ATP10B: variants seen among roughly 807,000 people sequenced by gnomAD.
ATP10B encodes the protein phospholipid-transporting ATPase VB.
Under a neutral mutation model 141.2 loss-of-function variants are expected in ATP10B, and 122 were observed. The observed-to-expected ratio is 0.86, with a 90% CI of 0.75 to 1.00. The LOEUF is 1.00. Among genes scored for constraint, ATP10B ranks in the 50% least tolerant of loss-of-function variants. The pLI, the probability that ATP10B is intolerant of heterozygous loss-of-function variation, is 0.00. For missense variants in ATP10B, 1,876 were observed against 1,825.3 expected (o/e 1.03, Z -0.51); for synonymous variants, 685 against 692.0 (o/e 0.99, Z 0.16).
chr5:160,874,142 A>G, the ATP10B span, among the ~76,000 whole-genome samples: 1 of 152,116 alleles, frequency 6.6e-6, no homozygotes, highest in African/African-American at 2.4e-5. Flanking sequence ...CCTGTCTGAC[A>G]GCTTTGAAGA....
chr5:160,569,714 A>G (rs1356211239), intron 24 of ATP10B, 31 bp from the exon 25 acceptor site: 2 of 1,503,412 alleles, frequency 1.3e-6, no homozygotes, highest in Non-Finnish European at 1.8e-6. Context: ...ACACTGTTGA[A>G]GGTATAGCTG....
chr5:160,612,683 T>C (rs1040793780), intron 18 of ATP10B, 58 bp downstream of exon 18: 13 of 1,471,680 alleles, frequency 8.8e-6, no homozygotes, highest in Admixed American at 1.8e-5. Flanking sequence ...GTCCTCTTGG[T>C]TGAGGGGTTG....
At chr5:160,888,960 G>T in the ATP10B span, among the ~76,000 whole-genome samples, 3 of 152,110 alleles carry the variant, frequency 2.0e-5, no homozygotes, top group African/African-American at 4.8e-5. Context: ...TGTCACAATG[G>T]CTTAAATAAA....
intron 2 of ATP10B, among the ~76,000 whole-genome samples, chr5:160,755,833 AAAAAAATATATATATAT>A (rs1167144827): frequency 4.2e-5 from 3 of 71,306 alleles, no homozygotes; most frequent in East Asian, 4.2e-4. Flanking sequence ...AAAAAAAAAA[AAAAAAATATATATATAT>A]ATATATATAT....
chr5:160,745,464 A>G (rs1384434950), intron 2 of ATP10B, among the ~76,000 whole-genome samples: 1 of 152,190 alleles, frequency 6.6e-6, no homozygotes, highest in Non-Finnish European at 1.5e-5. Flanking sequence ...TTTACCTTTC[A>G]TATTTACAGA....
chr5:160,864,625 G>A, the ATP10B span, among the ~76,000 whole-genome samples: 1 of 151,904 alleles, frequency 6.6e-6, no homozygotes, highest in African/African-American at 2.4e-5. Context: ...TTGGAAAATA[G>A]GAAGTAAAAC....
At chr5:160,775,217 T>C (rs933744497) in intron 2 of ATP10B, among the ~76,000 whole-genome samples, 1 of 152,202 alleles carries the variant, frequency 6.6e-6, no homozygotes, top group African/African-American at 2.4e-5. Context: ...CAAGTCAAAC[T>C]CTATTTCCAG....
chr5:160,610,398 G>A (rs115479872), intron 18 of ATP10B, among the ~76,000 whole-genome samples: 1,906 of 152,254 alleles, frequency 0.013, 41 homozygotes, highest in African/African-American at 0.042. Context: ...CTGTTGAGCC[G>A]TCAGATGAGC....
intron 1 of ATP10B, among the ~76,000 whole-genome samples, chr5:160,827,767 C>T (rs1436235569): frequency 6.6e-6 from 1 of 152,108 alleles, no homozygotes; most frequent in Non-Finnish European, 1.5e-5. Context: ...AGGTAAGAGT[C>T]CAGTTTCATT....
chr5:160,589,755 G>T (rs1417543720), intron 23 of ATP10B, 59 bp from the exon 24 acceptor site: 60 of 1,287,546 alleles, frequency 4.7e-5, no homozygotes, highest in Non-Finnish European at 6.4e-5. Context: ...CTTTGGCTTT[G>T]ACACAGTGAT....
intron 8 of ATP10B, 133 bp from the exon 9 acceptor site, chr5:160,644,377 A>G: frequency 1.5e-6 from 1 of 670,404 alleles, no homozygotes; most frequent in South Asian, 1.7e-5. Flanking sequence ...GAGTGATGGT[A>G]GCTGAGAATC....
At chr5:160,607,544 C>T (rs1312745771) in intron 18 of ATP10B, among the ~76,000 whole-genome samples, 1 of 152,088 alleles carries the variant, frequency 6.6e-6, no homozygotes, top group Non-Finnish European at 1.5e-5. Flanking sequence ...TTTAATAACT[C>T]ACCCAAGATC....
At chr5:160,610,627 T>C (rs144081760) in intron 18 of ATP10B, among the ~76,000 whole-genome samples, 1 of 152,378 alleles carries the variant, frequency 6.6e-6, no homozygotes, top group East Asian at 1.9e-4. Context: ...TGATCTTATT[T>C]AATCCTACCA....
At chr5:160,728,645 A>G (rs1430120711) in intron 2 of ATP10B, among the ~76,000 whole-genome samples, 1 of 152,176 alleles carries the variant, frequency 6.6e-6, no homozygotes, top group Non-Finnish European at 1.5e-5. Context: ...CATGAGAATA[A>G]CAGCTTTCAG....
chr5:160,767,102 CAGAT>C (rs1769506345), intron 2 of ATP10B, among the ~76,000 whole-genome samples: 1 of 151,974 alleles, frequency 6.6e-6, no homozygotes. Context: ...TTAACAGTAA[CAGAT>C]AGCTGATGAG....
At chr5:160,748,016 A>G (rs1453802920) in intron 2 of ATP10B, among the ~76,000 whole-genome samples, 2 of 129,646 alleles carry the variant, frequency 1.5e-5, no homozygotes, top group Non-Finnish European at 3.3e-5. Flanking sequence ...AAAAAAAAAA[A>G]GCGGCCGGGG....
At chr5:160,801,328 A>C (rs1772357287) in intron 1 of ATP10B, among the ~76,000 whole-genome samples, 1 of 152,178 alleles carries the variant, frequency 6.6e-6, no homozygotes, top group Non-Finnish European at 1.5e-5. Flanking sequence ...TCTCTCACGA[A>C]GTCCTCCAGG....
chr5:160,843,976 C>A (rs184069051), intron 1 of ATP10B, among the ~76,000 whole-genome samples: 29 of 151,922 alleles, frequency 1.9e-4, no homozygotes, highest in African/African-American at 6.8e-4. Flanking sequence ...TAAGTAGAAT[C>A]CCCAAAATTG....
At chr5:160,779,227 A>G (rs996773654) in intron 2 of ATP10B, among the ~76,000 whole-genome samples, 3 of 152,232 alleles carry the variant, frequency 2.0e-5, no homozygotes, top group Non-Finnish European at 4.4e-5. Context: ...AGCATTGTAT[A>G]TAAAAGGAAA....
Sources: allele counts gnomAD v4.1 joint callset (sites outside exome capture counted in the v4.1 genomes callset), GRCh38; gene constraint gnomAD v4.1.1; transcripts MANE v1.5; gene names NCBI Gene and HGNC (gene_info 2026-07-23, HGNC 2026-07-21).